Variants in CDC123 observed in about 807,000 individuals in gnomAD.
CDC123 encodes translation initiation factor eIF2 assembly protein.
CDC123 carries 37 observed loss-of-function variants against 54.4 expected under a neutral mutation model. That is an observed-to-expected ratio of 0.68 (90% CI 0.52 to 0.89). CDC123 has a LOEUF of 0.89. CDC123 is among the 40% of genes least tolerant of loss of function. The probability of loss-of-function intolerance (pLI) is 0.00; values close to 1 mark genes in which losing one functional copy is unlikely to be tolerated. For missense variants in CDC123, 361 were observed against 412.1 expected (o/e 0.88, Z 1.07); for synonymous variants, 144 against 136.8 (o/e 1.05, Z -0.37).
chr10:12,227,890 G>C (rs1835848455), intron 6 of CDC123, among the ~76,000 whole-genome samples: 1 of 152,136 alleles, frequency 6.6e-6, no homozygotes, highest in South Asian at 2.1e-4. Context: ...GGGCGAAAGG[G>C]CAGTTTTTTA....
At chr10:12,205,117 CTA>C (rs1204720960) in intron 2 of CDC123, among the ~76,000 whole-genome samples, 1 of 151,754 alleles carries the variant, frequency 6.6e-6, no homozygotes, top group Non-Finnish European at 1.5e-5. Flanking sequence ...TTTCTACTCT[CTA>C]TATCCATGAG....
rs535889403 is a variant in CDC123, at chr10:12,197,517, C to T, written c.75-1188C>T. On this transcript the variant is annotated intron_variant, in intron 1 of 12. Coordinates refer to ENST00000281141, the MANE Select transcript of CDC123 (RefSeq NM_006023.3). ...TCAGCTTCCTGAGTAGCTGGGACTA[C>T]AGGCGCCCGCCACCACCCCCGGCTA... Among the ~76,000 whole-genome samples, 347 of 151,344 alleles carry T rather than the reference C, an allele frequency of 2.3e-3. 5 individuals are homozygous for T. The highest frequency in any genetic ancestry group is 2.5e-3 in the Non-Finnish European group (167 of 67,906).
At chr10:12,224,790 G>GT (rs1835783586) in intron 6 of CDC123, among the ~76,000 whole-genome samples, 1 of 152,042 alleles carries the variant, frequency 6.6e-6, no homozygotes, top group African/African-American at 2.4e-5. Flanking sequence ...TGGTTTTTTT[G>GT]TTTTTGTTTT....
chr10:12,242,120 C>A (rs1836066490), intron 10 of CDC123, among the ~76,000 whole-genome samples: 1 of 152,206 alleles, frequency 6.6e-6, no homozygotes, highest in Non-Finnish European at 1.5e-5. Context: ...TCACATATCT[C>A]ACACTCCAGC....
chr10:12,250,089 G>A, intron 12 of CDC123: 4 of 483,314 alleles, frequency 8.3e-6, no homozygotes, highest in Non-Finnish European at 1.4e-5. Context: ...TTCTGTGTAG[G>A]AGTTTTTGTA....
chr10:12,233,638 G>C (rs1835934817), intron 7 of CDC123, among the ~76,000 whole-genome samples: 1 of 151,728 alleles, frequency 6.6e-6, no homozygotes, highest in African/African-American at 2.4e-5. Context: ...TGCCTGTATG[G>C]GCTTTTAATA....
intron 1 of CDC123, among the ~76,000 whole-genome samples, chr10:12,197,295 A>G (rs541484649): frequency 6.6e-6 from 1 of 152,332 alleles, no homozygotes; most frequent in East Asian, 1.9e-4. Context: ...TTAAGTTGCA[A>G]AGTTTCGCTT....
chr10:12,220,389 A>C (rs1835720238), intron 6 of CDC123, among the ~76,000 whole-genome samples: 1 of 152,214 alleles, frequency 6.6e-6, no homozygotes, highest in Admixed American at 6.5e-5. Context: ...TTGCATGGCA[A>C]GGAAGTTAAA....
chr10:12,241,964 G>T (rs958176044), intron 10 of CDC123, among the ~76,000 whole-genome samples: 1 of 102,368 alleles, frequency 9.8e-6, no homozygotes, highest in Admixed American at 1.1e-4. Context: ...TCTGTTCTTC[G>T]GGTTCTTGTT....
chr10:12,246,335 T>C, intron 11 of CDC123, 58 bp downstream of exon 11: 1 of 1,591,930 alleles, frequency 6.3e-7, no homozygotes, highest in Non-Finnish European at 8.6e-7. Flanking sequence ...GACTGACTGC[T>C]TGTTCTTCAG....
intron 2 of CDC123, among the ~76,000 whole-genome samples, chr10:12,205,030 T>G (rs1352636376): frequency 1.3e-5 from 2 of 151,900 alleles, no homozygotes; most frequent in African/African-American, 2.4e-5. Context: ...TATTCATTCT[T>G]TCTACTTTTT....
chr10:12,233,095 A>C (rs1335527445), intron 7 of CDC123, among the ~76,000 whole-genome samples: 1 of 152,054 alleles, frequency 6.6e-6, no homozygotes, highest in Non-Finnish European at 1.5e-5. Flanking sequence ...ATCTACCTCC[A>C]AGATTTATTT....
At chr10:12,246,492 T>C in intron 11 of CDC123, 1 of 459,924 alleles carries the variant, frequency 2.2e-6, no homozygotes, top group Non-Finnish European at 3.8e-6. Context: ...TCTGATCAGT[T>C]TTTTTAGTTC....
chr10:12,231,233 T>G (rs1835898812), intron 7 of CDC123, among the ~76,000 whole-genome samples: 1 of 152,198 alleles, frequency 6.6e-6, no homozygotes, highest in Non-Finnish European at 1.5e-5. Context: ...GCAGACACCT[T>G]TAATAGAACA....
chr10:12,205,801 C>CTT (rs1203357821), intron 2 of CDC123, among the ~76,000 whole-genome samples: 20 of 143,918 alleles, frequency 1.4e-4, no homozygotes, highest in African/African-American at 3.5e-4. Context: ...TAAACTTTCA[C>CTT]TTTTTTTTTT....
At chr10:12,246,983 C>G (rs1430653614) in intron 11 of CDC123, 1 of 148,024 alleles carries the variant, frequency 6.8e-6, no homozygotes, top group Admixed American at 6.8e-5. Flanking sequence ...ACCTCCCCCT[C>G]AGGACACTGT....
chr10:12,246,067 C>A, intron 10 of CDC123, 82 bp from the exon 11 acceptor site: 1 of 1,472,056 alleles, frequency 6.8e-7, no homozygotes, highest in Non-Finnish European at 9.2e-7. Flanking sequence ...GAGACCCTGT[C>A]TCAGAATAAA....
At chr10:12,248,293 A>AG (rs1360290943) in intron 11 of CDC123, among the ~76,000 whole-genome samples, 1 of 152,100 alleles carries the variant, frequency 6.6e-6, no homozygotes, top group Non-Finnish European at 1.5e-5. Flanking sequence ...GGATCACCTG[A>AG]GGTCAGGAGT....
chr10:12,200,989 A>C (rs1835431819), intron 2 of CDC123, among the ~76,000 whole-genome samples: 1 of 152,196 alleles, frequency 6.6e-6, no homozygotes, highest in South Asian at 2.1e-4. Flanking sequence ...GTAACCCACA[A>C]ATCACATAGG....
Sources: gnomAD v4.1 joint callset for allele counts (sites outside exome capture counted in the v4.1 genomes callset) on GRCh38, gnomAD v4.1.1 for gene constraint, MANE v1.5 for transcripts, NCBI Gene and HGNC (gene_info 2026-07-23, HGNC 2026-07-21) for gene names.